AFF2: variants seen among roughly 807,000 people sequenced by gnomAD.
AFF2 encodes the protein ALF transcription elongation factor 2.
Under a neutral mutation model 76.9 loss-of-function variants are expected in AFF2, and 14 were observed. That is an observed-to-expected ratio of 0.18 (90% CI 0.12 to 0.28). The LOEUF (loss-of-function observed/expected upper bound fraction) is 0.28, where lower values mean the gene tolerates loss of function less well. Among genes scored for constraint, AFF2 ranks in the 10% least tolerant of loss-of-function variants. The pLI, the probability that AFF2 is intolerant of heterozygous loss-of-function variation, is 1.00. For synonymous variants in AFF2, 398 were observed against 366.7 expected (o/e 1.09, Z -0.98); for missense variants, 868 against 1,001.1 (o/e 0.87, Z 1.79).
chrX:148,612,569 C>T (rs1414352154), intron 1 of AFF2, among the ~76,000 whole-genome samples: 1 of 111,954 alleles, frequency 8.9e-6, no homozygotes, highest in Non-Finnish European at 1.9e-5. Flanking sequence ...TAGAGACTTA[C>T]AAGGTTAAAA....
chrX:148,969,358 G>A (rs2072220159), intron 15 of AFF2, among the ~76,000 whole-genome samples: 1 of 112,502 alleles, frequency 8.9e-6, no homozygotes, highest in Non-Finnish European at 1.9e-5. Context: ...GAGAGAATAA[G>A]TATATTTCTT....
chrX:148,801,141 T>C (rs2070052906), intron 3 of AFF2, among the ~76,000 whole-genome samples: 1 of 111,929 alleles, frequency 8.9e-6, no homozygotes, highest in Non-Finnish European at 1.9e-5. Context: ...TTTCTGCTTA[T>C]TGCAGTCAGA....
chrX:148,854,032 C>T (rs1037236866), intron 7 of AFF2, among the ~76,000 whole-genome samples: 5 of 111,963 alleles, frequency 4.5e-5, no homozygotes, highest in African/African-American at 1.6e-4. Context: ...TTATGCAGCG[C>T]TTTAAAATTT....
At chrX:148,546,216 C>T (rs2052919184) in intron 1 of AFF2, among the ~76,000 whole-genome samples, 1 of 111,795 alleles carries the variant, frequency 8.9e-6, no homozygotes, top group Non-Finnish European at 1.9e-5. Context: ...TTTGCATAGA[C>T]TCCATAGTTT....
intron 1 of AFF2, among the ~76,000 whole-genome samples, chrX:148,564,916 C>T (rs1468810528): frequency 8.9e-6 from 1 of 112,352 alleles, no homozygotes; most frequent in Non-Finnish European, 1.9e-5. Flanking sequence ...GCTTTAATGT[C>T]ATGGTCCTGT....
intron 1 of AFF2, among the ~76,000 whole-genome samples, chrX:148,518,043 A>T (rs1263328709): frequency 9.0e-6 from 1 of 110,949 alleles, no homozygotes. Flanking sequence ...AAAAAAAGAA[A>T]ATAATTTTGT....
chrX:148,578,544 T>C (rs1557243853), intron 1 of AFF2, among the ~76,000 whole-genome samples: 1 of 111,980 alleles, frequency 8.9e-6, no homozygotes, highest in Non-Finnish European at 1.9e-5. Flanking sequence ...CTGTATGTTA[T>C]TCATTTTTCT....
intron 1 of AFF2, among the ~76,000 whole-genome samples, chrX:148,529,879 C>T (rs782564856): frequency 1.8e-5 from 2 of 112,037 alleles, no homozygotes; most frequent in African/African-American, 6.5e-5. Context: ...AAGTGGCTCT[C>T]TTGGAATGGC....
At chrX:148,865,664 C>T (rs1213610180) in intron 7 of AFF2, among the ~76,000 whole-genome samples, 3 of 112,016 alleles carry the variant, frequency 2.7e-5, no homozygotes, top group Non-Finnish European at 5.6e-5. Context: ...GGTAACAATA[C>T]ATTACTTTAA....
chrX:148,895,835 C>CT, intron 8 of AFF2, among the ~76,000 whole-genome samples: 1 of 110,894 alleles, frequency 9.0e-6, no homozygotes, highest in East Asian at 2.9e-4. Flanking sequence ...TTCTTCTCCC[C>CT]TCTGTATCTT....
intron 1 of AFF2, among the ~76,000 whole-genome samples, chrX:148,545,468 G>C (rs2052910238): frequency 8.9e-6 from 1 of 111,846 alleles, no homozygotes; most frequent in South Asian, 3.7e-4. Flanking sequence ...TCACTAGCTT[G>C]ATCTACTGTA....
intron 16 of AFF2, among the ~76,000 whole-genome samples, chrX:148,976,794 C>T (rs147170360): frequency 0.014 from 1,572 of 112,395 alleles, 23 homozygotes; most frequent in African/African-American, 0.044. Flanking sequence ...TTCAGTGATC[C>T]AACTGTCAAA....
Position 148,955,922 on chromosome X carries a change from T to C in AFF2, c.1877T>C (p.Ile626Thr), listed in dbSNP as rs782629198. ...AGTGAGACAGTGTCTCAAAGGACAATTGGGAAAAAACAGCCCAAAAAAGTT... is the reference window on the plus strand; with the variant it reads ...AGTGAGACAGTGTCTCAAAGGACAACTGGGAAAAAACAGCCCAAAAAAGTT... ...TTSETVSQRTIGKKQPKKVEK... is the reference protein window; with the variant it reads ...TTSETVSQRTTGKKQPKKVEK... Residue 626 changes from isoleucine to threonine, a missense_variant, in exon 11 of 21, where the codon ATT becomes ACT. Physicochemically the swap from Ile to Thr is moderately conservative, Grantham distance 89. This residue lies in a region of AFF2 where 532 missense variants were observed against 564.2 expected (regional missense o/e 0.94). Transcript: ENST00000370460. 6.6e-6 allele frequency: 8 copies of C among 1,209,068 alleles called. No homozygotes were observed. In the South Asian group the frequency reaches 1.1e-4, roughly 16 times the overall value.
chrX:148,613,165 T>C (rs782013618), intron 1 of AFF2, among the ~76,000 whole-genome samples: 4 of 111,587 alleles, frequency 3.6e-5, no homozygotes, highest in Admixed American at 9.5e-5. Flanking sequence ...TCATTGTACC[T>C]CCCCACTTAT....
intron 1 of AFF2, among the ~76,000 whole-genome samples, chrX:148,539,198 T>C (rs2052824960): frequency 8.9e-6 from 1 of 112,217 alleles, no homozygotes; most frequent in African/African-American, 3.2e-5. Context: ...ATTAAGCACT[T>C]ATTATGTACC....
intron 1 of AFF2, among the ~76,000 whole-genome samples, chrX:148,548,297 C>T (rs2052949118): frequency 8.9e-6 from 1 of 111,980 alleles, no homozygotes; most frequent in African/African-American, 3.2e-5. Context: ...AAATGTTTGA[C>T]TCCCAACCAC....
intron 2 of AFF2, among the ~76,000 whole-genome samples, chrX:148,659,740 C>A (rs373327885): frequency 1.8e-5 from 2 of 111,874 alleles, no homozygotes; most frequent in African/African-American, 6.5e-5. Context: ...GAACAGGGAG[C>A]CTGGTTTTGG....
At chrX:148,717,141 C>G (rs2055032959) in intron 3 of AFF2, among the ~76,000 whole-genome samples, 1 of 111,598 alleles carries the variant, frequency 9.0e-6, no homozygotes, top group Non-Finnish European at 1.9e-5. Context: ...TTCATAATAG[C>G]CCCAAAGTGG....
At chrX:148,771,413 A>G (rs2069586019) in intron 3 of AFF2, among the ~76,000 whole-genome samples, 1 of 112,164 alleles carries the variant, frequency 8.9e-6, no homozygotes, top group African/African-American at 3.2e-5. Flanking sequence ...ATTTTTCACA[A>G]ACAGAATCAA....
Sources: gnomAD v4.1 joint callset for allele counts (sites outside exome capture counted in the v4.1 genomes callset) on GRCh38, gnomAD v4.1.1 for gene constraint, gnomAD v4.1.1 regional missense constraint, MANE v1.5 for transcripts, NCBI Gene and HGNC (gene_info 2026-07-23, HGNC 2026-07-21) for gene names.